GALNT13: variants seen among roughly 807,000 people sequenced by gnomAD.
GALNT13 encodes UDP-GalNAc:polypeptide N-acetylgalactosaminyltransferase 13.
Under a neutral mutation model 64.2 loss-of-function variants are expected in GALNT13, and 28 were observed. The observed-to-expected ratio is 0.44, with a 90% CI of 0.32 to 0.60. GALNT13 has a LOEUF of 0.60. Among genes scored for constraint, GALNT13 ranks in the 20% least tolerant of loss-of-function variants. The pLI is 0.05. For missense variants in GALNT13, 577 were observed against 669.8 expected (o/e 0.86, Z 1.53); for synonymous variants, 214 against 224.6 (o/e 0.95, Z 0.42).
At chr2:153,111,837 A>G in the GALNT13 span, among the ~76,000 whole-genome samples, 1 of 152,100 alleles carries the variant, frequency 6.6e-6, no homozygotes, top group East Asian at 1.9e-4. Flanking sequence ...AACAGTTTTA[A>G]AGTTCTACTC....
the GALNT13 span, among the ~76,000 whole-genome samples, chr2:153,343,106 A>G: frequency 6.6e-6 from 1 of 152,212 alleles, no homozygotes; most frequent in Non-Finnish European, 1.5e-5. Context: ...GTTGAATATA[A>G]GTGATGAATG....
chr2:154,339,525 AT>A (rs1695637998), intron 9 of GALNT13, among the ~76,000 whole-genome samples: 1 of 152,256 alleles, frequency 6.6e-6, no homozygotes, highest in Admixed American at 6.6e-5. Context: ...TTGGAAGGAA[AT>A]TGCTGGAATT....
chr2:153,703,635 G>A, the GALNT13 span, among the ~76,000 whole-genome samples: 4 of 152,048 alleles, frequency 2.6e-5, no homozygotes, highest in African/African-American at 9.7e-5. Flanking sequence ...TAAATGTAGG[G>A]TAGTTAGATA....
chr2:154,121,261 T>C (rs1681924959), intron 3 of GALNT13, among the ~76,000 whole-genome samples: 1 of 152,180 alleles, frequency 6.6e-6, no homozygotes, highest in Non-Finnish European at 1.5e-5. Flanking sequence ...AGGTGAACTT[T>C]CTGTTGGGGG....
At chr2:153,340,385 G>A in the GALNT13 span, among the ~76,000 whole-genome samples, 1 of 150,048 alleles carries the variant, frequency 6.7e-6, no homozygotes, top group Non-Finnish European at 1.5e-5. Context: ...GGCCGGGCAA[G>A]GTGGCTCACG....
the GALNT13 span, among the ~76,000 whole-genome samples, chr2:153,862,070 TTGTATGTTTTA>T: frequency 6.6e-6 from 1 of 152,230 alleles, no homozygotes; most frequent in Admixed American, 6.5e-5. Context: ...TTTAGTCCTA[TTGTATGTTTTA>T]TGAGAGGTGG....
At chr2:153,319,863 G>A in the GALNT13 span, among the ~76,000 whole-genome samples, 483 of 152,232 alleles carry the variant, frequency 3.2e-3, 16 homozygotes, top group East Asian at 0.081. Flanking sequence ...AGGAATCAGG[G>A]GAGAGGGAAG....
intron 12 of GALNT13, among the ~76,000 whole-genome samples, chr2:154,439,406 A>T (rs1701166969): frequency 1.3e-5 from 2 of 152,304 alleles, no homozygotes; most frequent in South Asian, 4.1e-4. Context: ...TCTTGAAAAC[A>T]GCTTCATTTC....
the GALNT13 span, among the ~76,000 whole-genome samples, chr2:153,106,104 A>C: frequency 6.6e-6 from 1 of 152,160 alleles, no homozygotes; most frequent in Non-Finnish European, 1.5e-5. Flanking sequence ...GGGTTAATTA[A>C]ATAAAATGCT....
the GALNT13 span, among the ~76,000 whole-genome samples, chr2:153,794,460 T>A: frequency 6.6e-6 from 1 of 152,034 alleles, no homozygotes; most frequent in African/African-American, 2.4e-5. Context: ...TGGTTAAAAA[T>A]TTTAAAACCA....
At chr2:154,024,998 C>T (rs1396236861) in intron 3 of GALNT13, among the ~76,000 whole-genome samples, 1 of 152,168 alleles carries the variant, frequency 6.6e-6, no homozygotes, top group Non-Finnish European at 1.5e-5. Flanking sequence ...GCGGTGGCTG[C>T]AGAACAGCAG....
At chr2:153,362,912 C>G in the GALNT13 span, among the ~76,000 whole-genome samples, 4 of 152,140 alleles carry the variant, frequency 2.6e-5, no homozygotes, top group East Asian at 7.7e-4. Flanking sequence ...ACTCTCCACC[C>G]TAAATCAACA....
intron 9 of GALNT13, among the ~76,000 whole-genome samples, chr2:154,373,166 C>G (rs941223613): frequency 1.3e-5 from 2 of 152,058 alleles, no homozygotes; most frequent in Non-Finnish European, 2.9e-5. Flanking sequence ...CATTTTATGG[C>G]AAACCTTCAA....
chr2:153,379,199 A>C, the GALNT13 span, among the ~76,000 whole-genome samples: 1 of 152,200 alleles, frequency 6.6e-6, no homozygotes, highest in Non-Finnish European at 1.5e-5. Flanking sequence ...TGGCTAGTTC[A>C]TGAAGTTGAT....
the GALNT13 span, among the ~76,000 whole-genome samples, chr2:153,631,341 G>T: frequency 1.3e-5 from 2 of 152,112 alleles, no homozygotes; most frequent in African/African-American, 4.8e-5. Flanking sequence ...TGGGATGGCT[G>T]GGTCAAATGG....
chr2:154,341,808 T>C (rs1310148137), intron 9 of GALNT13, among the ~76,000 whole-genome samples: 4 of 152,078 alleles, frequency 2.6e-5, no homozygotes, highest in Non-Finnish European at 5.9e-5. Flanking sequence ...GCTGAGGGTA[T>C]AACATCAAGA....
chr2:154,220,417 G>A (rs10490533), intron 4 of GALNT13, among the ~76,000 whole-genome samples: 4,838 of 151,980 alleles, frequency 0.032, 101 homozygotes, highest in East Asian at 0.12. Context: ...AGAACTAATC[G>A]CCTGCTTTTC....
chr2:153,708,972 CA>C, the GALNT13 span, among the ~76,000 whole-genome samples: 1 of 151,870 alleles, frequency 6.6e-6, no homozygotes, highest in Admixed American at 6.6e-5. Context: ...ACACAATATG[CA>C]AAAAATCAAC....
At chr2:154,177,980 CA>C (rs2105721108) in intron 4 of GALNT13, among the ~76,000 whole-genome samples, 1 of 152,230 alleles carries the variant, frequency 6.6e-6, no homozygotes, top group African/African-American at 2.4e-5. Context: ...TCAAGTAATG[CA>C]AAAGCAAGTT....
Sources: gnomAD v4.1 joint callset for allele counts (sites outside exome capture counted in the v4.1 genomes callset) on GRCh38, gnomAD v4.1.1 for gene constraint, MANE v1.5 for transcripts, NCBI Gene and HGNC (gene_info 2026-07-23, HGNC 2026-07-21) for gene names.